The following TAS2R1 variants were observed in gnomAD, a reference collection of about 807,000 sequenced individuals.
TAS2R1 encodes taste 2 receptor member 1.
For missense variants in TAS2R1, 370 were observed against 353.4 expected (o/e 1.05, Z -0.38); for synonymous variants, 141 against 134.2 (o/e 1.05, Z -0.35).
the TAS2R1 span, among the ~76,000 whole-genome samples, chr5:9,872,446 A>AG: frequency 1.3e-5 from 2 of 151,994 alleles, no homozygotes; most frequent in African/African-American, 4.8e-5. Flanking sequence ...GTGCAAAAAA[A>AG]GTAATTCAAA....
At chr5:9,736,324 C>T in the TAS2R1 span, among the ~76,000 whole-genome samples, 2 of 152,230 alleles carry the variant, frequency 1.3e-5, no homozygotes, top group Non-Finnish European at 2.9e-5. Flanking sequence ...AGGACAGCGT[C>T]CCAGCCTTAT....
the TAS2R1 span, among the ~76,000 whole-genome samples, chr5:9,847,991 G>A: frequency 1.3e-5 from 2 of 152,210 alleles, no homozygotes; most frequent in Non-Finnish European, 2.9e-5. Flanking sequence ...AAACTCTGGA[G>A]TGGGACTGGA....
At chr5:9,661,302 C>T (rs1740527900) in intron 1 of TAS2R1, among the ~76,000 whole-genome samples, 1 of 152,172 alleles carries the variant, frequency 6.6e-6, no homozygotes, top group African/African-American at 2.4e-5. Flanking sequence ...ACTTTCTATA[C>T]TAAAAGCATC....
chr5:9,722,990 G>A, the TAS2R1 span, among the ~76,000 whole-genome samples: 1 of 152,234 alleles, frequency 6.6e-6, no homozygotes, highest in African/African-American at 2.4e-5. Flanking sequence ...CTCAAAGATT[G>A]TGCCTAATTC....
chr5:9,825,976 T>G, the TAS2R1 span, among the ~76,000 whole-genome samples: 2 of 152,162 alleles, frequency 1.3e-5, no homozygotes, highest in African/African-American at 4.8e-5. Context: ...AAGGCCAAAA[T>G]CCAGTGGGTT....
chr5:9,750,396 A>G, the TAS2R1 span, among the ~76,000 whole-genome samples: 1 of 152,080 alleles, frequency 6.6e-6, no homozygotes, highest in Admixed American at 6.6e-5. Flanking sequence ...AAACTCTTCC[A>G]TTACTCAGAT....
At chr5:9,754,783 A>G in the TAS2R1 span, among the ~76,000 whole-genome samples, 6 of 152,368 alleles carry the variant, frequency 3.9e-5, no homozygotes, top group Non-Finnish European at 4.4e-5. Context: ...GCTCATGGGT[A>G]GGAAGAATTA....
chr5:9,706,328 G>A (rs41477), intron 1 of TAS2R1, among the ~76,000 whole-genome samples: 43,185 of 152,060 alleles, frequency 0.28, 6,299 homozygotes, highest in Admixed American at 0.37. Flanking sequence ...CCTGGCCTGC[G>A]AAGCCACAAC....
the TAS2R1 span, among the ~76,000 whole-genome samples, chr5:9,874,007 G>A: frequency 8.5e-5 from 9 of 105,414 alleles, no homozygotes; most frequent in South Asian, 2.9e-4. Context: ...AGGAAGAAAG[G>A]AAGGAAGGGA....
the TAS2R1 span, among the ~76,000 whole-genome samples, chr5:9,787,883 T>C: frequency 6.6e-6 from 1 of 152,228 alleles, no homozygotes; most frequent in African/African-American, 2.4e-5. Flanking sequence ...CTGGCAATTG[T>C]GTGGCACTTT....
the TAS2R1 span, among the ~76,000 whole-genome samples, chr5:9,837,426 C>A: frequency 6.6e-6 from 1 of 152,196 alleles, no homozygotes; most frequent in Non-Finnish European, 1.5e-5. Context: ...TCCGCAGGAA[C>A]CTTTGGTGGA....
chr5:9,821,688 G>A, the TAS2R1 span, among the ~76,000 whole-genome samples: 1 of 152,208 alleles, frequency 6.6e-6, no homozygotes, highest in East Asian at 1.9e-4. Context: ...TTTGAGACAG[G>A]GAAGTGGGGA....
the TAS2R1 span, among the ~76,000 whole-genome samples, chr5:9,766,317 A>G: frequency 2.6e-4 from 39 of 152,396 alleles, no homozygotes; most frequent in South Asian, 7.9e-3. Flanking sequence ...TTCTATGTGA[A>G]GCCAAAACAT....
intron 1 of TAS2R1, among the ~76,000 whole-genome samples, chr5:9,701,678 T>C (rs12520881): frequency 0.22 from 33,460 of 152,194 alleles, 4,254 homozygotes; most frequent in Non-Finnish European, 0.29. Flanking sequence ...CAAATACTTT[T>C]GTAAAGTTAT....
Position 9,710,500 on chromosome 5 carries a change from A to G in TAS2R1, c.-242+1672T>C, listed in dbSNP as rs1000922988. ...TTGCCCCTACCAAAAATGGGCAAAC[A>G]AAAGATAGACTGAAATATCTCTAGT... On this transcript the variant is annotated intron_variant, in intron 1 of 2. Transcript: ENST00000506620. Among the ~76,000 whole-genome samples the G allele has an allele frequency of 3.3e-5, 5 of 152,362 alleles. No homozygotes were observed. The East Asian group carries it at 9.6e-4, about 29-fold the overall frequency.
the TAS2R1 span, among the ~76,000 whole-genome samples, chr5:9,754,086 T>C: frequency 3.9e-5 from 6 of 152,180 alleles, no homozygotes; most frequent in African/African-American, 1.4e-4. Context: ...ATCCCTGGGA[T>C]GCAAGGCTGG....
At chr5:9,646,107 T>TTATG (rs1740181611) in intron 2 of TAS2R1, among the ~76,000 whole-genome samples, 1 of 152,176 alleles carries the variant, frequency 6.6e-6, no homozygotes, top group Admixed American at 6.5e-5. Context: ...CCCATACCTG[T>TTATG]GACTTGTATA....
intron 1 of TAS2R1, among the ~76,000 whole-genome samples, chr5:9,697,422 C>G (rs1741383135): frequency 6.6e-6 from 1 of 151,496 alleles, no homozygotes; most frequent in African/African-American, 2.4e-5. Context: ...ACCAAGTTAC[C>G]CAGTTCATTT....
At chr5:9,860,932 G>GTTCCT in the TAS2R1 span, among the ~76,000 whole-genome samples, 1 of 149,388 alleles carries the variant, frequency 6.7e-6, no homozygotes, top group African/African-American at 2.5e-5. Flanking sequence ...CAAGAAATAT[G>GTTCCT]TTCCTTTACC....
Sources: allele counts gnomAD v4.1 joint callset (sites outside exome capture counted in the v4.1 genomes callset), GRCh38; gene constraint gnomAD v4.1.1; transcripts MANE v1.5; gene names NCBI Gene and HGNC (gene_info 2026-07-23, HGNC 2026-07-21).